Variants in A2M observed in about 807,000 individuals in gnomAD.
A2M encodes the protein alpha-2-macroglobulin.
Under a neutral mutation model 183.9 loss-of-function variants are expected in A2M, and 128 were observed. That is an observed-to-expected ratio of 0.70 (90% CI 0.60 to 0.81). A2M has a LOEUF of 0.81. Ranked by LOEUF, A2M falls within the 30% of genes least tolerant of loss-of-function variation. The pLI, the probability that A2M is intolerant of heterozygous loss-of-function variation, is 0.00. For synonymous variants in A2M, 592 were observed against 670.8 expected, an observed-to-expected ratio of 0.88 and a Z score of 1.81; for missense variants, 1,495 against 1,787.6, an observed-to-expected ratio of 0.84 and a Z score of 2.95.
At chr12:9,091,731 C>T (rs1166158791) in intron 18 of A2M, among the ~76,000 whole-genome samples, 1 of 152,134 alleles carries the variant, frequency 6.6e-6, no homozygotes, top group East Asian at 1.9e-4. Context: ...CTGAGGGCTG[C>T]TTTATAATTT....
chr12:9,078,018 C>A (rs900438442), intron 25 of A2M, among the ~76,000 whole-genome samples, 161 bp from the exon 26 acceptor site: 1 of 152,136 alleles, frequency 6.6e-6, no homozygotes, highest in African/African-American at 2.4e-5. Context: ...GATTAATCTG[C>A]TAGATGTAGT....
chr12:9,092,541 G>T (rs1363007074), intron 18 of A2M, among the ~76,000 whole-genome samples: 3 of 152,176 alleles, frequency 2.0e-5, no homozygotes, highest in Non-Finnish European at 4.4e-5. Context: ...GACTCCAGGA[G>T]CCTGAAAGGG....
At position 9,091,382 on chromosome 12, in the gene A2M, G is replaced by T; in HGVS notation, c.2288C>A (p.Thr763Asn). Residue 763 changes from threonine (T) to asparagine (N), a missense_variant, in exon 19 of 36, where the codon ACC becomes AAC. Transcript: ENST00000318602. ...GCAGAAGGCCCCTGCCTTCCACTCGGTGATGGTGTCAGGGACTGTTACTCC... is the reference window on the plus strand; with the variant it reads ...GCAGAAGGCCCCTGCCTTCCACTCGTTGATGGTGTCAGGGACTGTTACTCC... ...EVGVTVPDTI[T>N]EWKAGAFCLS... 1.9e-6 allele frequency: 3 copies of T among 1,614,182 alleles called. No homozygotes were observed. Among genetic ancestry groups the T allele is most frequent in the East Asian group, 2.2e-5 (1 of 44,862 alleles).
rs749161826 is a variant in A2M, at chr12:9,067,855, GA to G, written c.4409-17del. On this transcript the variant is annotated splice_polypyrimidine_tract_variant and intron_variant, in intron 35 of 35. Coordinates refer to ENST00000318602, the MANE Select transcript of A2M (RefSeq NM_000014.6). ...TTTCCAAGATCTGTGACATTGGAAA[GA>G]AAAAAAATTAAGACAGATTTGGGTC... is the stretch of plus-strand genomic sequence containing the variant. 17 of 1,610,084 alleles carry G rather than the reference GA, an allele frequency of 1.1e-5. No homozygotes were observed. In the Admixed American group the frequency reaches 1.3e-4, roughly 13 times the overall value.
intron 29 of A2M, among the ~76,000 whole-genome samples, chr12:9,073,338 CATGCTT>C: frequency 6.6e-6 from 1 of 152,186 alleles, no homozygotes; most frequent in Non-Finnish European, 1.5e-5. Flanking sequence ...TGAGCAGAGT[CATGCTT>C]CAGTTTCTCC....
rs1948836742 is a variant in A2M, at chr12:9,079,281, A to G, written c.3082T>C (p.Phe1028Leu). 6 of 1,613,722 alleles carry G rather than the reference A, an allele frequency of 3.7e-6. No homozygotes were observed. Among genetic ancestry groups the G allele is most frequent in the Non-Finnish European group, 5.1e-6 (6 of 1,179,768 alleles). Residue 1028 changes from phenylalanine (F) to leucine (L), a missense_variant, in exon 25 of 36, where the codon TTT (phenylalanine) becomes CTT (leucine). Coordinates refer to ENST00000318602, the MANE Select transcript of A2M (RefSeq NM_000014.6). The part of the protein sequence containing the change: ...YKHYDGSYST[F>L]GERYGRNQGN... ...TGGTTCCTGCCATATCGCTCCCCAA[A>G]GGTGCTGTAGGAGCCATCATAGTGT... is the stretch of plus-strand genomic sequence containing the variant.
intron 4 of A2M, among the ~76,000 whole-genome samples, chr12:9,110,990 T>A (rs957877674): frequency 6.6e-6 from 1 of 152,168 alleles, no homozygotes; most frequent in African/African-American, 2.4e-5. Flanking sequence ...AAATAAACAC[T>A]TATGTAACTA....
chr12:9,069,381 T>C (rs939031881), intron 33 of A2M, among the ~76,000 whole-genome samples: 2 of 152,224 alleles, frequency 1.3e-5, no homozygotes, highest in Non-Finnish European at 2.9e-5. Context: ...CAGTTTTTTT[T>C]CCCTTTCATA....
intron 18 of A2M, 106 bp from the exon 19 acceptor site, chr12:9,091,535 A>G: frequency 1.8e-6 from 2 of 1,138,772 alleles, no homozygotes; most frequent in Non-Finnish European, 2.5e-6. Flanking sequence ...AAAAACACTC[A>G]ATAGAAATAC....
At chr12:9,109,787 T>G in intron 6 of A2M, 80 bp downstream of exon 6, 1 of 1,392,846 alleles carries the variant, frequency 7.2e-7, no homozygotes, top group Non-Finnish European at 9.7e-7. Context: ...ATGGAAAGAC[T>G]CCAAATGAAC....
chr12:9,101,130 A>C lies in A2M; in HGVS notation c.1558+14T>G. 1 of 1,555,970 alleles carries C rather than the reference A, an allele frequency of 6.4e-7. No individual in the cohort carries two copies. The highest frequency in any genetic ancestry group is 8.7e-7 in the Non-Finnish European group (1 of 1,149,012). On this transcript the variant is annotated intron_variant, in intron 13 of 35. Coordinates refer to ENST00000318602, the MANE Select transcript of A2M (RefSeq NM_000014.6). Reference sequence around the variant, plus strand: ...AGAATGGGGCAGCAATGCAGAGATGATGGAAATACTCACTGTCTTCCTGCT... The same window carrying C: ...AGAATGGGGCAGCAATGCAGAGATGCTGGAAATACTCACTGTCTTCCTGCT...
intron 27 of A2M, 38 bp downstream of exon 27, chr12:9,077,308 A>T (rs776069896): frequency 1.3e-6 from 2 of 1,572,388 alleles, no homozygotes; most frequent in African/African-American, 2.7e-5. Flanking sequence ...CATTGCATCC[A>T]GAACTCTCCT....
At chr12:9,078,506 T>C (rs747001008) in intron 25 of A2M, among the ~76,000 whole-genome samples, 28 of 152,360 alleles carry the variant, frequency 1.8e-4, no homozygotes, top group African/African-American at 6.5e-4. Flanking sequence ...AACATACATG[T>C]GCATGTGTCA....
In A2M at chr12:9,084,439, A is replaced by G. The variant is rs201831278; in HGVS notation, c.2771-4262T>C. On this transcript the variant is annotated intron_variant, in intron 22 of 35. Transcript: ENST00000318602. ...TGTAAATTCTGACATCAACGACATA[A>G]AATGTGTGTGGGGGAGTGAAAGAAT... Among the ~76,000 whole-genome samples the G allele has an allele frequency of 3.3e-5, 5 of 152,192 alleles. No homozygotes were observed. In the East Asian group the frequency reaches 9.6e-4, roughly 29 times the overall value.
At position 9,072,427 on chromosome 12, in the gene A2M, C is replaced by A. The variant is rs367732639; in HGVS notation, c.4035G>T (p.Val1345=). The A allele has an allele frequency of 1.1e-5, 18 of 1,613,668 alleles. No homozygotes were observed. The African/African-American group carries it at 2.3e-4, about 20-fold the overall frequency. The change falls in exon 31 of 36, where the codon GTG becomes GTT. Residue 1345 remains valine (V), a synonymous_variant. Transcript: ENST00000318602. The part of the protein sequence containing the change: ...EKEEFPFALG[V]QTLPQTCDEP... The stretch of plus-strand genomic sequence containing the variant: ...CATCACAAGTTTGAGGCAGAGTCTG[C>A]ACTCCTAAAGCAAAGGGGAACTCTT...
At chr12:9,078,782 A>T (rs1948822013) in intron 25 of A2M, among the ~76,000 whole-genome samples, 1 of 152,194 alleles carries the variant, frequency 6.6e-6, no homozygotes, top group African/African-American at 2.4e-5. Context: ...AAATTTTAAT[A>T]TTGCTTTACT....
intron 27 of A2M, 59 bp downstream of exon 27, chr12:9,077,287 G>A (rs376985132): frequency 2.8e-6 from 4 of 1,452,406 alleles, no homozygotes; most frequent in Non-Finnish European, 3.8e-6. Context: ...CAGACAGCAG[G>A]TCAGCAGTTT....
rs772074669 is a variant in A2M, at chr12:9,076,912, A to G, written c.3376T>C (p.Phe1126Leu). 6.2e-7 allele frequency: 1 copy of G among 1,605,640 alleles called. No homozygotes were observed. Among genetic ancestry groups the G allele is most frequent in the Non-Finnish European group, 8.5e-7 (1 of 1,175,368 alleles). Residue 1126 changes from phenylalanine (F) to leucine (L), a missense_variant, in exon 28 of 36, where the codon TTT becomes CTT. Transcript: ENST00000318602. ...GTCTTCCAGGCTGACTCCAGGCAAAACAGGGCATTGCGGACAACAGGGTGC... is the reference window on the plus strand; with the variant it reads ...GTCTTCCAGGCTGACTCCAGGCAAAGCAGGGCATTGCGGACAACAGGGTGC... ...VTHPVVRNAL[F>L]CLESAWKTAQ... is the part of the protein sequence containing the mutation.
intron 22 of A2M, among the ~76,000 whole-genome samples, chr12:9,082,574 A>T (rs773520659): frequency 8.5e-5 from 13 of 152,334 alleles, no homozygotes; most frequent in Admixed American, 2.6e-4. Context: ...CTGCCAAAGA[A>T]TACCTATAAA....
Sources: gnomAD v4.1 joint callset for allele counts (sites outside exome capture counted in the v4.1 genomes callset) on GRCh38, gnomAD v4.1.1 for gene constraint, MANE v1.5 for transcripts, NCBI Gene and HGNC (gene_info 2026-07-23, HGNC 2026-07-21) for gene names.